The following STIM1 variants were observed in gnomAD, a reference collection of about 807,000 sequenced individuals.
STIM1 encodes stromal interaction molecule 1.
In STIM1, 25 loss-of-function variants were observed where a neutral mutation model predicts 74.7. The observed-to-expected ratio is 0.33, with a 90% confidence interval of 0.24 to 0.47. STIM1 has a LOEUF of 0.47. STIM1 is among the 20% of genes least tolerant of loss of function. The pLI is 1.00. For missense variants in STIM1, 728 were observed against 920.8 expected (o/e 0.79, Z 2.71); for synonymous variants, 328 against 348.8 (o/e 0.94, Z 0.66).
intron 1 of STIM1, among the ~76,000 whole-genome samples, chr11:3,909,051 A>G (rs915131739): frequency 6.6e-6 from 1 of 152,174 alleles, no homozygotes; most frequent in African/African-American, 2.4e-5. Context: ...GGATAGTACT[A>G]GTGTTACTTT....
At chr11:4,032,997 C>T (rs1035026044) in intron 3 of STIM1, among the ~76,000 whole-genome samples, 5 of 152,036 alleles carry the variant, frequency 3.3e-5, no homozygotes, top group African/African-American at 7.2e-5. Flanking sequence ...TTAGGTCTAA[C>T]GTTTAAGTCT....
intron 3 of STIM1, among the ~76,000 whole-genome samples, chr11:4,047,961 G>T (rs958412213): frequency 1.3e-5 from 2 of 152,018 alleles, no homozygotes; most frequent in Non-Finnish European, 2.9e-5. Context: ...TGGAACTGAA[G>T]GTGCGTGCCA....
intron 2 of STIM1, among the ~76,000 whole-genome samples, chr11:4,016,260 C>A (rs1020774696): frequency 1.3e-5 from 2 of 152,118 alleles, no homozygotes; most frequent in Non-Finnish European, 2.9e-5. Context: ...GATGTTGATG[C>A]TATTCCTTTC....
Position 3,902,756 on chromosome 11 carries a change from T to C in STIM1, c.139+46347T>C, listed in dbSNP as rs10500589. The stretch of plus-strand genomic sequence containing the variant: ...GAGAAGGTGGTATCCTGTACTGCTC[T>C]TAGGCATGACACCACCTGTGAGACT... On this transcript the variant is annotated intron_variant, in intron 1 of 12. Transcript: ENST00000526596. 0.02 allele frequency among the ~76,000 whole-genome samples: 3,049 copies of C among 152,266 alleles called. 170 individuals carry two copies. The East Asian group carries it at 0.22, about 11-fold the overall frequency.
At chr11:3,909,159 C>T (rs1414705865) in intron 1 of STIM1, among the ~76,000 whole-genome samples, 2 of 151,996 alleles carry the variant, frequency 1.3e-5, no homozygotes, top group Non-Finnish European at 2.9e-5. Flanking sequence ...ATGACTTTCT[C>T]TTTGGTATGG....
intron 6 of STIM1, among the ~76,000 whole-genome samples, chr11:4,070,966 A>C (rs2094399911): frequency 6.6e-6 from 1 of 152,220 alleles, no homozygotes; most frequent in African/African-American, 2.4e-5. Context: ...AGCACACTTA[A>C]TGCAGACTTA....
At chr11:3,892,934 T>C in intron 1 of STIM1, 1 of 1,131,238 alleles carries the variant, frequency 8.8e-7, no homozygotes, top group Non-Finnish European at 1.3e-6. Flanking sequence ...TGCAAAGACT[T>C]TTATGTTTTA....
In STIM1 at chr11:4,070,435, A is replaced by G. The variant is rs77098711; in HGVS notation, c.791+232A>G. 3.5e-4 allele frequency among the ~76,000 whole-genome samples: 53 copies of G among 152,310 alleles called. 1 individual carries two copies. The East Asian group carries it at 0.01, about 29-fold the overall frequency. On this transcript the variant is annotated intron_variant, in intron 6 of 12. Coordinates refer to ENST00000526596, the MANE Select transcript of STIM1 (RefSeq NM_001382567.1). Reference sequence around the variant, plus strand: ...TCTATCTTTTTTGCCTCTTAGCTTCAGAGGGAGAAATGTGTAGCTGCCAGA... The same window carrying G: ...TCTATCTTTTTTGCCTCTTAGCTTCGGAGGGAGAAATGTGTAGCTGCCAGA...
Position 4,023,947 on chromosome 11 carries a change from C to T in STIM1, c.345C>T (p.Ile115=), listed in dbSNP as rs770736310. ...HSTFHGEDKL[I]SVEDLWKAWK... ...CCTTCCATGGTGAGGATAAGCTCAT[C>T]AGCGTGGAGGACCTGTGGAAGGCAT... The change falls in exon 3 of 13, where the codon ATC becomes ATT. Residue 115 remains isoleucine (I), a synonymous_variant. Transcript: ENST00000526596. The T allele has an allele frequency of 6.2e-7, 1 of 1,614,048 alleles. No individual in the cohort carries two copies. The highest frequency in any genetic ancestry group is 1.1e-5 in the South Asian group (1 of 91,076).
At chr11:3,940,402 A>G (rs900057166) in intron 1 of STIM1, among the ~76,000 whole-genome samples, 8 of 152,220 alleles carry the variant, frequency 5.3e-5, no homozygotes, top group African/African-American at 1.9e-4. Context: ...AATAGATCAT[A>G]AGGGGCTGAG....
At chr11:3,924,348 A>C (rs1020747008) in intron 1 of STIM1, among the ~76,000 whole-genome samples, 1 of 151,008 alleles carries the variant, frequency 6.6e-6, no homozygotes, top group Admixed American at 6.6e-5. Flanking sequence ...ACAGGCGCCC[A>C]CCACCACGCC....
At chr11:4,014,804 A>T (rs1004394995) in intron 2 of STIM1, among the ~76,000 whole-genome samples, 1 of 152,150 alleles carries the variant, frequency 6.6e-6, no homozygotes, top group Non-Finnish European at 1.5e-5. Context: ...CCATCATGTA[A>T]TGGCCTTCTT....
intron 2 of STIM1, among the ~76,000 whole-genome samples, chr11:4,001,431 T>A (rs999405225): frequency 7.9e-5 from 12 of 152,148 alleles, no homozygotes; most frequent in Non-Finnish European, 1.8e-4. Flanking sequence ...GGACCAATAT[T>A]CAACATTCTT....
intron 1 of STIM1, among the ~76,000 whole-genome samples, chr11:3,901,659 A>C (rs2092351428): frequency 6.6e-6 from 1 of 152,256 alleles, no homozygotes; most frequent in Non-Finnish European, 1.5e-5. Context: ...TGTTGTAGAA[A>C]GGTATAGATC....
intron 3 of STIM1, among the ~76,000 whole-genome samples, chr11:4,042,964 G>A (rs554590905): frequency 2.0e-5 from 3 of 152,238 alleles, no homozygotes; most frequent in Admixed American, 6.5e-5. Flanking sequence ...CTTGATCACC[G>A]CTCTATTCCT....
chr11:3,857,245 C>T (rs1344319482), intron 1 of STIM1, among the ~76,000 whole-genome samples: 1 of 151,316 alleles, frequency 6.6e-6, no homozygotes, highest in African/African-American at 2.4e-5. Context: ...GAAAGGAACA[C>T]TTTTATGTTT....
chr11:3,871,203 A>G (rs192100589), intron 1 of STIM1, among the ~76,000 whole-genome samples: 95 of 152,212 alleles, frequency 6.2e-4, no homozygotes, highest in African/African-American at 2.1e-3. Flanking sequence ...GAAGATGATT[A>G]ATATCCCCTT....
At chr11:3,895,798 TCCTTC>T (rs2092131764) in intron 1 of STIM1, among the ~76,000 whole-genome samples, 1 of 93,532 alleles carries the variant, frequency 1.1e-5, no homozygotes, top group Non-Finnish European at 1.9e-5. Context: ...CTTCCTTCCT[TCCTTC>T]CTTTCTTTCC....
intron 1 of STIM1, among the ~76,000 whole-genome samples, chr11:3,906,094 T>C (rs1262879196): frequency 6.6e-6 from 1 of 152,234 alleles, no homozygotes; most frequent in Non-Finnish European, 1.5e-5. Context: ...TGCTATGGAC[T>C]GTTACAGAGG....
Sources: allele counts gnomAD v4.1 joint callset (sites outside exome capture counted in the v4.1 genomes callset), GRCh38; gene constraint gnomAD v4.1.1; transcripts MANE v1.5; gene names NCBI Gene and HGNC (gene_info 2026-07-23, HGNC 2026-07-21).